ZNF827: variants seen among roughly 807,000 people sequenced by gnomAD.
ZNF827 encodes zinc finger protein 827.
A neutral mutation model predicts 102.4 loss-of-function variants in ZNF827; 13 were observed. That is an observed-to-expected ratio of 0.13 (90% CI 0.08 to 0.20). The LOEUF is 0.20. ZNF827 is among the 10% of genes least tolerant of loss of function. ZNF827 has a pLI of 1.00. For missense variants in ZNF827, 1,103 were observed against 1,344.4 expected (o/e 0.82, Z 2.81); for synonymous variants, 523 against 536.2 (o/e 0.98, Z 0.34).
intron 11 of ZNF827, among the ~76,000 whole-genome samples, chr4:145,766,546 G>A (rs778857821): frequency 6.6e-6 from 1 of 152,192 alleles, no homozygotes; most frequent in Non-Finnish European, 1.5e-5. Flanking sequence ...GACAGACTCC[G>A]AGTGGCGGAT....
intron 8 of ZNF827, among the ~76,000 whole-genome samples, chr4:145,802,107 G>C (rs558809369): frequency 9.9e-5 from 15 of 152,284 alleles, no homozygotes; most frequent in African/African-American, 3.6e-4. Flanking sequence ...CTAAAGACTT[G>C]TTTCAGATAC....
intron 1 of ZNF827, among the ~76,000 whole-genome samples, chr4:145,915,538 C>G (rs1038866870): frequency 6.6e-6 from 1 of 152,122 alleles, no homozygotes; most frequent in Non-Finnish European, 1.5e-5. Context: ...GACCTAATCA[C>G]CTCTTAAAGG....
At chr4:145,864,547 T>C (rs1748012632) in intron 5 of ZNF827, among the ~76,000 whole-genome samples, 2 of 151,702 alleles carry the variant, frequency 1.3e-5, no homozygotes, top group African/African-American at 4.8e-5. Context: ...TGAGCTATGA[T>C]CACACCATTG....
chr4:145,846,501 CACA>C (rs559803343), intron 6 of ZNF827, among the ~76,000 whole-genome samples: 3 of 142,128 alleles, frequency 2.1e-5, no homozygotes, highest in African/African-American at 5.4e-5. Flanking sequence ...AACAAAAAAA[CACA>C]ACAACAACAA....
At chr4:145,795,956 T>C (rs1177775468) in intron 8 of ZNF827, among the ~76,000 whole-genome samples, 1 of 152,200 alleles carries the variant, frequency 6.6e-6, no homozygotes. Context: ...CACGCATATA[T>C]TTGGCCCACA....
In ZNF827 at chr4:145,795,435, AC is replaced by A. The variant is rs1408270093; in HGVS notation, c.2384-15925del. Among the ~76,000 whole-genome samples the A allele has an allele frequency of 3.3e-5, 5 of 152,350 alleles. No individual in the cohort carries two copies. The South Asian group carries it at 1.0e-3, about 32-fold the overall frequency. On this transcript the variant is annotated intron_variant, in intron 8 of 14. Coordinates refer to ENST00000508784, the MANE Select transcript of ZNF827 (RefSeq NM_001306215.2). ...AGTGCTGGGATTATAGGCATGAGCC[AC>A]TGTGCCCGGCTGGTGTTCTGTTTTA...
chr4:145,894,220 G>A (rs941117517), intron 2 of ZNF827, among the ~76,000 whole-genome samples: 13 of 152,170 alleles, frequency 8.5e-5, no homozygotes, highest in African/African-American at 3.1e-4. Context: ...AAGGGAGGGA[G>A]TGGGAAGAAT....
chr4:145,902,233 T>A lies in ZNF827; in HGVS notation c.1026A>T (p.Pro342=). The A allele has an allele frequency of 6.3e-7, 1 of 1,584,340 alleles. No individual in the cohort carries two copies. Among genetic ancestry groups the A allele is most frequent in the South Asian group, 1.1e-5 (1 of 88,822 alleles). Residue 342 remains proline, a synonymous_variant, in exon 2 of 15, where the codon CCA becomes CCT. Transcript: ENST00000508784. This position sits in a 1 kb window ranked among gnomAD's most constrained non-coding sequence, Gnocchi z 4.3. ...PPPPPPPPPP[P]PQSLELLLLP... is the part of the protein sequence containing the mutation. ...GTAATAATAATTCCAGGGATTGTGGTGGTGGTGGTGGAGGTGGTGGAGGTG... is the reference window on the plus strand; with the variant it reads ...GTAATAATAATTCCAGGGATTGTGGAGGTGGTGGTGGAGGTGGTGGAGGTG...
intron 7 of ZNF827, among the ~76,000 whole-genome samples, chr4:145,823,829 C>T (rs192858897): frequency 2.6e-4 from 39 of 152,306 alleles, no homozygotes; most frequent in African/African-American, 9.4e-4. Flanking sequence ...TCCTCTTGCT[C>T]TATTCTTTCT....
chr4:145,849,664 G>A lies in ZNF827; in HGVS notation c.1982-103C>T, dbSNP rs1488661029. ...AGAAAACCATAAAGATTGTGGCAGG[G>A]AAGAGAAAAATGAGCGTGCACGGCA... On this transcript the variant is annotated intron_variant, in intron 5 of 14. Transcript: ENST00000508784. The A allele has an allele frequency of 3.0e-5, 46 of 1,549,436 alleles. No homozygotes were observed. The Middle Eastern group carries it at 9.3e-4, about 31-fold the overall frequency.
At position 145,761,923 on chromosome 4, in the gene ZNF827, C is replaced by G. The variant is rs1385253755; in HGVS notation, c.*18-325G>C. Among the ~76,000 whole-genome samples the G allele has an allele frequency of 6.6e-6, 1 of 152,154 alleles. No individual in the cohort carries two copies. Among genetic ancestry groups the G allele is most frequent in the Non-Finnish European group, 1.5e-5 (1 of 68,022 alleles). On this transcript the variant is annotated intron_variant, in intron 14 of 14. Transcript: ENST00000508784. This position sits in a 1 kb window ranked among gnomAD's most constrained non-coding sequence, Gnocchi z 6.8. The stretch of plus-strand genomic sequence containing the variant: ...TCAATTTGCTGGTGCTCCCCTCCAG[C>G]CCCCGCCCGGCCCCTCGGAGCCCTC...
At chr4:145,831,284 C>T (rs1433352698) in intron 7 of ZNF827, 1 of 152,200 alleles carries the variant, frequency 6.6e-6, no homozygotes, top group Non-Finnish European at 1.5e-5. Context: ...CAGGGACCTC[C>T]TGTGACCCCA....
intron 5 of ZNF827, among the ~76,000 whole-genome samples, chr4:145,854,149 A>T (rs767792183): frequency 6.6e-6 from 1 of 151,938 alleles, no homozygotes; most frequent in Non-Finnish European, 1.5e-5. Flanking sequence ...AGGAGTTTGG[A>T]AGTCTTCCTC....
intron 8 of ZNF827, among the ~76,000 whole-genome samples, chr4:145,817,585 C>T (rs910121136): frequency 6.6e-6 from 1 of 152,156 alleles, no homozygotes; most frequent in African/African-American, 2.4e-5. Flanking sequence ...CATCAGCTCT[C>T]GTGAGAACTC....
chr4:145,861,978 CA>C (rs1303668204), intron 5 of ZNF827, among the ~76,000 whole-genome samples: 1 of 151,992 alleles, frequency 6.6e-6, no homozygotes, highest in Non-Finnish European at 1.5e-5. Context: ...GTCAAAAAAG[CA>C]AAAAGGGTAG....
Position 145,902,305 on chromosome 4 carries a change from C to T in ZNF827, c.954G>A (p.Pro318=), listed in dbSNP as rs1279163976. 32 of 1,595,290 alleles carry T rather than the reference C, an allele frequency of 2.0e-5. No individual in the cohort carries two copies. Among genetic ancestry groups the T allele is most frequent in the Middle Eastern group, 1.7e-4 (1 of 5,916 alleles). ...SLLPEDPLPP[P]PSEKKPEKVT... Reference sequence around the variant, plus strand: ...CTTTTTCTGGTTTCTTCTCTGAAGGCGGGGGCGGTAGAGGGTCCTCAGGCA... The same window carrying T: ...CTTTTTCTGGTTTCTTCTCTGAAGGTGGGGGCGGTAGAGGGTCCTCAGGCA... Residue 318 remains proline (P), a synonymous_variant, in exon 2 of 15, where the codon CCG becomes CCA. Transcript: ENST00000508784. This position sits in a 1 kb window ranked among gnomAD's most constrained non-coding sequence, Gnocchi z 4.3.
chr4:145,772,694 T>C (rs763160322), intron 11 of ZNF827, among the ~76,000 whole-genome samples: 2 of 152,234 alleles, frequency 1.3e-5, no homozygotes, highest in Non-Finnish European at 2.9e-5. Flanking sequence ...CCCTGGCTTA[T>C]AAAATAGGTT....
intron 8 of ZNF827, among the ~76,000 whole-genome samples, chr4:145,781,195 C>CAAAAAAAAAAAAAAAAAAAAAAAAAAAA (rs10605153): frequency 9.4e-4 from 53 of 56,542 alleles, no homozygotes; most frequent in Admixed American, 1.8e-3. Flanking sequence ...GACACCATCT[C>CAAAAAAAAAAAAAAAAAAAAAAAAAAAA]AAAAAAAAAA....
chr4:145,830,275 G>T (rs1186764121), intron 7 of ZNF827, among the ~76,000 whole-genome samples: 3 of 147,964 alleles, frequency 2.0e-5, no homozygotes, highest in African/African-American at 5.0e-5. Flanking sequence ...CAAAAAAAGT[G>T]TTTTTTTTTT....
Sources: allele counts gnomAD v4.1 joint callset (sites outside exome capture counted in the v4.1 genomes callset), GRCh38; gene constraint gnomAD v4.1.1; non-coding constraint Gnocchi (gnomAD v3.1); transcripts MANE v1.5; gene names NCBI Gene and HGNC (gene_info 2026-07-23, HGNC 2026-07-21).